The following WWOX variants were observed in gnomAD, a reference collection of about 807,000 sequenced individuals.
The protein encoded by WWOX is WW domain-containing oxidoreductase.
A neutral mutation model predicts 46.2 loss-of-function variants in WWOX; 69 were observed. The observed-to-expected ratio is 1.49, with a 90% CI of 1.23 to 1.82. The LOEUF is 1.82. WWOX is among the 40% of genes most tolerant of loss of function. WWOX has a pLI of 0.00. For missense variants in WWOX, 919 were observed against 542.6 expected (o/e 1.69, Z -6.89); for synonymous variants, 359 against 202.6 (o/e 1.77, Z -6.56).
intron 5 of WWOX, among the ~76,000 whole-genome samples, chr16:78,193,307 A>T (rs1234495253): frequency 2.0e-5 from 3 of 152,244 alleles, no homozygotes; most frequent in Non-Finnish European, 1.5e-5. Flanking sequence ...TATGGTTGCC[A>T]CTTACCTTTC....
chr16:78,446,249 G>T (rs547147137), intron 8 of WWOX, among the ~76,000 whole-genome samples: 3 of 152,156 alleles, frequency 2.0e-5, no homozygotes, highest in African/African-American at 7.2e-5. Flanking sequence ...AACCTGTGAC[G>T]CTCTTTTCAA....
chr16:78,560,775 C>T (rs1257741101), intron 8 of WWOX, among the ~76,000 whole-genome samples: 1 of 152,122 alleles, frequency 6.6e-6, no homozygotes, highest in African/African-American at 2.4e-5. Flanking sequence ...ATTTTATACT[C>T]TGAAGGCATG....
intron 8 of WWOX, among the ~76,000 whole-genome samples, chr16:79,060,119 C>G (rs1004496152): frequency 2.6e-5 from 4 of 152,120 alleles, no homozygotes; most frequent in African/African-American, 9.7e-5. Context: ...GTTTCTGTGT[C>G]AACCACCATT....
At chr16:78,486,867 C>G (rs142381909) in intron 8 of WWOX, among the ~76,000 whole-genome samples, 1 of 152,204 alleles carries the variant, frequency 6.6e-6, no homozygotes, top group Non-Finnish European at 1.5e-5. Flanking sequence ...CCACCGCCCC[C>G]GACCATTGTC....
chr16:78,330,953 A>G (rs2080742131), intron 5 of WWOX, among the ~76,000 whole-genome samples: 1 of 152,202 alleles, frequency 6.6e-6, no homozygotes, highest in Non-Finnish European at 1.5e-5. Flanking sequence ...TAATACAAAT[A>G]ATCTAGTCTT....
chr16:78,395,664 G>A (rs1261394938), intron 6 of WWOX, among the ~76,000 whole-genome samples: 7 of 152,186 alleles, frequency 4.6e-5, no homozygotes, highest in East Asian at 1.9e-4. Context: ...GGTGACAAGA[G>A]CCAAGAGAAA....
At chr16:78,624,573 A>G (rs932401599) in intron 8 of WWOX, among the ~76,000 whole-genome samples, 3 of 152,218 alleles carry the variant, frequency 2.0e-5, no homozygotes, top group African/African-American at 7.2e-5. Context: ...AGACTAATCT[A>G]ATAGCATACT....
chr16:78,953,046 T>C (rs538584961), intron 8 of WWOX, among the ~76,000 whole-genome samples: 1 of 152,128 alleles, frequency 6.6e-6, no homozygotes, highest in South Asian at 2.1e-4. Context: ...TTTCCAGTTG[T>C]TGTTGTTCAT....
chr16:79,009,875 G>T (rs2047268782), intron 8 of WWOX, among the ~76,000 whole-genome samples: 1 of 152,234 alleles, frequency 6.6e-6, no homozygotes, highest in Admixed American at 6.5e-5. Context: ...TGGTTGGAGA[G>T]AGTGAGTCCT....
At chr16:78,612,995 C>G (rs952643942) in intron 8 of WWOX, among the ~76,000 whole-genome samples, 3 of 152,134 alleles carry the variant, frequency 2.0e-5, no homozygotes, top group African/African-American at 7.2e-5. Context: ...ATCTATGACC[C>G]TGTCCTTCTC....
chr16:79,076,441 C>G (rs931110822), intron 8 of WWOX, among the ~76,000 whole-genome samples: 1 of 152,162 alleles, frequency 6.6e-6, no homozygotes, highest in Non-Finnish European at 1.5e-5. Flanking sequence ...ATGGAAGACT[C>G]AAGGTAGTAT....
chr16:78,978,975 T>C (rs1369488021), intron 8 of WWOX, among the ~76,000 whole-genome samples: 1 of 152,144 alleles, frequency 6.6e-6, no homozygotes, highest in Non-Finnish European at 1.5e-5. Flanking sequence ...CCCTACACCT[T>C]GAAGCAGGTG....
chr16:78,560,063 A>G (rs973291531), intron 8 of WWOX, among the ~76,000 whole-genome samples: 2 of 152,238 alleles, frequency 1.3e-5, no homozygotes, highest in African/African-American at 4.8e-5. Context: ...TTTGGTTGTT[A>G]GGAGAAATTT....
At chr16:78,731,067 T>A (rs867346565) in intron 8 of WWOX, among the ~76,000 whole-genome samples, 1 of 152,290 alleles carries the variant, frequency 6.6e-6, no homozygotes, top group Middle Eastern at 3.4e-3. Flanking sequence ...TAAGAAAATG[T>A]TGATTTTATT....
At chr16:78,182,357 A>G (rs1302679246) in intron 5 of WWOX, among the ~76,000 whole-genome samples, 1 of 152,064 alleles carries the variant, frequency 6.6e-6, no homozygotes, top group Non-Finnish European at 1.5e-5. Flanking sequence ...CTGTCTGGCC[A>G]TTCTCTTTCT....
chr16:78,548,442 A>G lies in WWOX; in HGVS notation c.1056+115690A>G, dbSNP rs149184021. 1.7e-3 allele frequency among the ~76,000 whole-genome samples: 260 copies of G among 152,324 alleles called. 1 individual carries two copies. The highest frequency in any genetic ancestry group is 5.7e-3 in the African/African-American group (237 of 41,588). ...ACATGTTAACATATTATTTTAATCTAAAGACATCCTATCCCTGAATTTAGG... is the reference window on the plus strand; with the variant it reads ...ACATGTTAACATATTATTTTAATCTGAAGACATCCTATCCCTGAATTTAGG... On this transcript the variant is annotated intron_variant, in intron 8 of 8. Transcript: ENST00000566780.
At chr16:79,055,470 T>C (rs1453526201) in intron 8 of WWOX, among the ~76,000 whole-genome samples, 1 of 152,116 alleles carries the variant, frequency 6.6e-6, no homozygotes, top group Non-Finnish European at 1.5e-5. Context: ...CAGCTAGCCA[T>C]GTGGAGAGGC....
chr16:78,173,535 C>T (rs1159835515), intron 5 of WWOX, among the ~76,000 whole-genome samples: 2 of 151,186 alleles, frequency 1.3e-5, no homozygotes, highest in Admixed American at 1.3e-4. Flanking sequence ...TCTGCTCAGG[C>T]GATCCTCCTG....
intron 8 of WWOX, among the ~76,000 whole-genome samples, chr16:78,445,593 T>A (rs1450195635): frequency 1.3e-5 from 2 of 152,156 alleles, no homozygotes; most frequent in Non-Finnish European, 2.9e-5. Context: ...AATAATATGA[T>A]CACCTTCGGT....
Sources: gnomAD v4.1 joint callset for allele counts (sites outside exome capture counted in the v4.1 genomes callset) on GRCh38, gnomAD v4.1.1 for gene constraint, MANE v1.5 for transcripts, NCBI Gene and HGNC (gene_info 2026-07-23, HGNC 2026-07-21) for gene names.